BTBD8: variants seen among roughly 807,000 people sequenced by gnomAD.
BTBD8 encodes the protein BTB domain containing 8, also known as BTB/POZ domain-containing protein 8.
A neutral mutation model predicts 162.9 loss-of-function variants in BTBD8; 110 were observed. The observed-to-expected ratio is 0.68, with a 90% CI of 0.58 to 0.79. BTBD8 has a LOEUF of 0.79. Ranked by LOEUF, BTBD8 falls within the 30% of genes least tolerant of loss-of-function variation. The pLI, the probability that BTBD8 is intolerant of heterozygous loss-of-function variation, is 0.00. For missense variants in BTBD8, 1,905 were observed against 2,085.4 expected (o/e 0.91, Z 1.68); for synonymous variants, 667 against 716.1 (o/e 0.93, Z 1.10).
intron 8 of BTBD8, 91 bp downstream of exon 8, chr1:92,147,359 GT>G: frequency 9.0e-7 from 1 of 1,108,136 alleles, no homozygotes; most frequent in Non-Finnish European, 1.3e-6. Context: ...GAGTTGGCCT[GT>G]TTTCTTGGAC....
intron 2 of BTBD8, among the ~76,000 whole-genome samples, chr1:92,094,229 A>C (rs2101897033): frequency 6.6e-6 from 1 of 152,308 alleles, no homozygotes. Flanking sequence ...TGATTATGTA[A>C]GCTCCTTGAG....
intron 4 of BTBD8, among the ~76,000 whole-genome samples, chr1:92,109,896 C>T (rs1176007114): frequency 6.6e-6 from 1 of 152,094 alleles, no homozygotes. Context: ...ATTATACATA[C>T]TTATATATTA....
At chr1:92,156,901 T>G (rs1449041734) in intron 9 of BTBD8, among the ~76,000 whole-genome samples, 2 of 152,042 alleles carry the variant, frequency 1.3e-5, no homozygotes, top group Non-Finnish European at 2.9e-5. Flanking sequence ...TTTTGTTATT[T>G]TTAAAAAACT....
chr1:92,134,339 A>G (rs967294209), intron 5 of BTBD8, among the ~76,000 whole-genome samples: 2 of 152,158 alleles, frequency 1.3e-5, no homozygotes, highest in Non-Finnish European at 2.9e-5. Flanking sequence ...ATTAAACCCA[A>G]ACTCTTGACC....
intron 1 of BTBD8, among the ~76,000 whole-genome samples, chr1:92,085,972 T>C (rs1016039362): frequency 5.9e-5 from 9 of 152,116 alleles, no homozygotes; most frequent in Admixed American, 1.3e-4. Context: ...TGTTTATTGG[T>C]GATCAAAGAA....
chr1:92,171,671 C>G (rs1650550604), intron 13 of BTBD8, among the ~76,000 whole-genome samples: 1 of 152,096 alleles, frequency 6.6e-6, no homozygotes, highest in African/African-American at 2.4e-5. Flanking sequence ...AAGTATCTAC[C>G]TTTTTCATTT....
At chr1:92,120,352 G>A (rs1370519897) in intron 4 of BTBD8, among the ~76,000 whole-genome samples, 1 of 152,144 alleles carries the variant, frequency 6.6e-6, no homozygotes, top group Admixed American at 6.5e-5. Flanking sequence ...GGTCTTCGGG[G>A]CAGTAACGGA....
intron 13 of BTBD8, among the ~76,000 whole-genome samples, chr1:92,173,222 A>T (rs504606): frequency 6.6e-6 from 1 of 151,704 alleles, no homozygotes. Context: ...ACCACGCCCA[A>T]CCCCATAGCA....
At chr1:92,163,090 C>T (rs1246081427) in intron 9 of BTBD8, among the ~76,000 whole-genome samples, 1 of 151,820 alleles carries the variant, frequency 6.6e-6, no homozygotes, top group African/African-American at 2.4e-5. Context: ...CGCGGTGGCT[C>T]ATGCCTGTAA....
chr1:92,093,045 A>C (rs1648356399), intron 2 of BTBD8, among the ~76,000 whole-genome samples: 1 of 152,124 alleles, frequency 6.6e-6, no homozygotes, highest in South Asian at 2.1e-4. Context: ...ATAAATGGAA[A>C]ATTGCCTAAC....
intron 5 of BTBD8, among the ~76,000 whole-genome samples, chr1:92,131,519 T>C (rs922592747): frequency 1.3e-5 from 2 of 151,986 alleles, no homozygotes; most frequent in African/African-American, 4.8e-5. Context: ...AGGTCAGGAG[T>C]TCAGGACCAG....
In BTBD8 at chr1:92,088,727, T is replaced by C; in HGVS notation, c.179T>C (p.Val60Ala). The C allele has an allele frequency of 6.2e-7, 1 of 1,610,942 alleles. No homozygotes were observed. The highest frequency in any genetic ancestry group is 1.7e-5 in the Admixed American group (1 of 59,804). Reference sequence around the variant, plus strand: ...CTAAGGGAAGAATTCCATACAGATGTTACCTTCTCTGTGGGTTGTACTTTG... The same window carrying C: ...CTAAGGGAAGAATTCCATACAGATGCTACCTTCTCTGTGGGTTGTACTTTG... ...RLLREEFHTD[V>A]TFSVGCTLFK... Residue 60 changes from valine to alanine, a missense_variant, in exon 2 of 18, where the codon GTT becomes GCT. This residue lies in a region of BTBD8 where 1,374 missense variants were observed against 1,442.7 expected (regional missense o/e 0.95). Coordinates refer to ENST00000636805, the MANE Select transcript of BTBD8 (RefSeq NM_001376131.1).
chr1:92,123,710 GAGCTTGCAGTGAGCCA>G (rs1649274215), intron 4 of BTBD8, among the ~76,000 whole-genome samples: 2 of 144,916 alleles, frequency 1.4e-5, no homozygotes, highest in Admixed American at 7.2e-5. Flanking sequence ...CCGGGAGGTG[GAGCTTGCAGTGAGCCA>G]AGATCGCGCC....
rs139524207 is a variant in BTBD8 at position 92,139,389 on chromosome 1, A to G, written c.792A>G (p.Ile264Met). 2.2e-5 allele frequency: 35 copies of G among 1,593,888 alleles called. No homozygotes were observed. The African/African-American group carries it at 3.9e-4, about 18-fold the overall frequency. Residue 264 changes from isoleucine to methionine, a missense_variant, in exon 6 of 18, where the codon ATA becomes ATG. Around this residue, in one of 3 missense-constraint regions of BTBD8, gnomAD observed 1,374 missense variants for 1,442.7 expected, o/e 0.95. Coordinates refer to ENST00000636805, the MANE Select transcript of BTBD8 (RefSeq NM_001376131.1). ...AACTGAATGTTATGATGCATTTTATATATGGAGGAACTCTGGACATTCCAG... is the reference window on the plus strand; with the variant it reads ...AACTGAATGTTATGATGCATTTTATGTATGGAGGAACTCTGGACATTCCAG... ...HVELNVMMHF[I>M]YGGTLDIPDK...
intron 4 of BTBD8, among the ~76,000 whole-genome samples, chr1:92,111,975 C>T (rs1045937603): frequency 2.0e-5 from 3 of 152,040 alleles, no homozygotes; most frequent in African/African-American, 4.8e-5. Flanking sequence ...CCCAAACCTG[C>T]GTATGCCATT....
chr1:92,176,569 T>C (rs1456120692), intron 13 of BTBD8, among the ~76,000 whole-genome samples: 3 of 152,174 alleles, frequency 2.0e-5, no homozygotes, highest in Non-Finnish European at 4.4e-5. Flanking sequence ...AAAAAAGCCT[T>C]CCTTTTATTT....
At chr1:92,183,487 G>T (rs1650978680) in intron 17 of BTBD8, among the ~76,000 whole-genome samples, 1 of 151,296 alleles carries the variant, frequency 6.6e-6, no homozygotes, top group Non-Finnish European at 1.5e-5. Flanking sequence ...TTTTGCAACG[G>T]ACTTACCCTA....
intron 9 of BTBD8, among the ~76,000 whole-genome samples, chr1:92,155,520 A>G (rs1650140542): frequency 6.6e-6 from 1 of 152,096 alleles, no homozygotes; most frequent in African/African-American, 2.4e-5. Flanking sequence ...GCTCACTGCA[A>G]CTTTGAACTC....
intron 4 of BTBD8, among the ~76,000 whole-genome samples, chr1:92,113,744 G>C (rs762074593): frequency 6.6e-6 from 1 of 151,114 alleles, no homozygotes; most frequent in Non-Finnish European, 1.5e-5. Context: ...CCGGTGCGGT[G>C]GCTCACGCCT....
Sources: allele counts gnomAD v4.1 joint callset (sites outside exome capture counted in the v4.1 genomes callset), GRCh38; gene constraint gnomAD v4.1.1; regional missense constraint gnomAD v4.1.1; transcripts MANE v1.5; gene names NCBI Gene and HGNC (gene_info 2026-07-23, HGNC 2026-07-21).